Variants in TEX22 observed in about 807,000 individuals in gnomAD.
The protein encoded by TEX22 is testis-expressed protein 22.
TEX22 carries 16 observed loss-of-function variants against 11.3 expected under a neutral mutation model. That is an observed-to-expected ratio of 1.42 (90% CI 0.96 to 2.15). The LOEUF (loss-of-function observed/expected upper bound fraction) is 2.15. TEX22 is among the 30% of genes most tolerant of loss of function. TEX22 has a pLI of 0.00. For missense variants in TEX22, 220 were observed against 208.6 expected (o/e 1.05, Z -0.34); for synonymous variants, 97 against 92.3 (o/e 1.05, Z -0.29).
At position 105,412,191 on chromosome 14, in the gene TEX22, G is replaced by A. The variant is rs919834475; in HGVS notation, c.*358G>A. ...CTGGGAAGCCCCAGTGGCAGGCGCT[G>A]CCTGGAGACTCAGCTCCTTGGCTGG... On this transcript the variant is annotated 3_prime_UTR_variant, in exon 4 of 4. Transcript: ENST00000451127. This position sits in a 1 kb window ranked among gnomAD's most constrained non-coding sequence, Gnocchi z 5.8. The A allele has an allele frequency of 3.4e-4, 68 of 198,928 alleles. No individual in the cohort carries two copies. Among genetic ancestry groups the A allele is most frequent in the African/African-American group, 1.5e-3 (64 of 43,392 alleles). The allele number at this position is 198,928 out of a possible 1,614,324, so 12.3% of individuals were successfully genotyped here.
intron 2 of TEX22, among the ~76,000 whole-genome samples, chr14:105,405,195 C>A (rs587760683): frequency 2.0e-5 from 3 of 151,902 alleles, no homozygotes; most frequent in Non-Finnish European, 2.9e-5. Context: ...GAGGCTGAGG[C>A]AGGAGGATCA....
At chr14:105,405,647 C>G (rs978483121) in intron 2 of TEX22, among the ~76,000 whole-genome samples, 1 of 152,178 alleles carries the variant, frequency 6.6e-6, no homozygotes, top group Admixed American at 6.5e-5. Flanking sequence ...TGTGTGGACG[C>G]CTGTTGCGTG....
intron 2 of TEX22, among the ~76,000 whole-genome samples, chr14:105,405,979 C>T (rs988028635): frequency 6.6e-6 from 1 of 152,196 alleles, no homozygotes; most frequent in African/African-American, 2.4e-5. Context: ...GGAAACCAAC[C>T]TGTGCATAAA....
rs782523078 is a variant in TEX22, at chr14:105,402,017, C to G, written c.150+2527C>G. ...CCTGGCAAATGGGATGAAACCCCGT[C>G]TCTATTAAAAATACAAAAACTAGCT... On this transcript the variant is annotated intron_variant, in intron 2 of 3. Transcript: ENST00000451127. 9.2e-5 allele frequency among the ~76,000 whole-genome samples: 14 copies of G among 152,146 alleles called. 1 individual carries two copies. Among genetic ancestry groups the G allele is most frequent in the Admixed American group, 4.6e-4 (7 of 15,272 alleles).
At chr14:105,401,135 G>A (rs922362073) in intron 2 of TEX22, among the ~76,000 whole-genome samples, 7 of 152,206 alleles carry the variant, frequency 4.6e-5, no homozygotes, top group Non-Finnish European at 7.3e-5. Flanking sequence ...CGCCTGCCAG[G>A]AGAGCAGGCA....
chr14:105,402,274 A>G (rs1183243500), intron 2 of TEX22, among the ~76,000 whole-genome samples: 1 of 152,262 alleles, frequency 6.6e-6, no homozygotes, highest in African/African-American at 2.4e-5. Context: ...GATGACAATC[A>G]CTATTTGCAT....
At chr14:105,408,173 C>T (rs919114726) in intron 2 of TEX22, among the ~76,000 whole-genome samples, 5 of 152,100 alleles carry the variant, frequency 3.3e-5, no homozygotes, top group Non-Finnish European at 4.4e-5. Context: ...CCCTTGCAGA[C>T]GTCCCACCGC....
rs987632815 is a variant in TEX22 at position 105,412,563 on chromosome 14, C to G, written c.*730C>G. 1 of 152,328 alleles carries G rather than the reference C, an allele frequency of 6.6e-6. No individual in the cohort carries two copies. Among genetic ancestry groups the G allele is most frequent in the Admixed American group, 6.5e-5 (1 of 15,272 alleles). 9.4% of individuals were successfully genotyped at this position (152,328 alleles called of 1,614,324 possible). On this transcript the variant is annotated 3_prime_UTR_variant, in exon 4 of 4. Coordinates refer to ENST00000451127, the MANE Select transcript of TEX22 (RefSeq NM_001195082.2). This position sits in a 1 kb window ranked among gnomAD's most constrained non-coding sequence, Gnocchi z 5.8. ...GGTCCACTGGGTGACTGCCTCGTTT[C>G]CAGGCTGCAGGGCCCTCGGAAGGGT...
chr14:105,401,884 C>G (rs370213944), intron 2 of TEX22, among the ~76,000 whole-genome samples: 1 of 152,116 alleles, frequency 6.6e-6, no homozygotes, highest in Non-Finnish European at 1.5e-5. Flanking sequence ...TGCATGGTAC[C>G]ACTATGACGT....
chr14:105,411,486 T>G lies in TEX22; in HGVS notation c.269T>G (p.Leu90Arg), dbSNP rs2081690656. The G allele has an allele frequency of 1.6e-6, 2 of 1,236,812 alleles. No homozygotes were observed. Among genetic ancestry groups the G allele is most frequent in the Non-Finnish European group, 1.0e-6 (1 of 991,560 alleles). The allele number at this position is 1,236,812 out of a possible 1,614,324, so 76.6% of individuals were successfully genotyped here. Residue 90 changes from leucine (L) to arginine (R), a missense_variant, in exon 3 of 4, where the codon CTG becomes CGG. By Grantham distance (102) the Leu-to-Arg change is moderately radical. Transcript: ENST00000451127. Reference protein sequence around the residue: ...RERPGAAGTQLHCRDVVQMVA... With the variant: ...RERPGAAGTQRHCRDVVQMVA... Reference sequence around the variant, plus strand: ...AGGCCGGGCGCCGCCGGGACCCAGCTGCACTGCAGGGTGCGCGGGGGGCGG... The same window carrying G: ...AGGCCGGGCGCCGCCGGGACCCAGCGGCACTGCAGGGTGCGCGGGGGGCGG...
chr14:105,410,075 C>T (rs926929688), intron 2 of TEX22, among the ~76,000 whole-genome samples: 13 of 152,126 alleles, frequency 8.5e-5, no homozygotes, highest in Admixed American at 7.9e-4. Flanking sequence ...AGCCTCCTTA[C>T]CTTTTTTGTT....
rs1278355219 is a variant in TEX22, at chr14:105,399,159, G to A, written c.-39-143G>A. 5.0e-6 allele frequency: 3 copies of A among 597,544 alleles called. No homozygotes were observed. In the Admixed American group the frequency reaches 8.9e-5, roughly 18 times the overall value. 37.0% of individuals were successfully genotyped at this position (597,544 alleles called of 1,614,324 possible). On this transcript the variant is annotated intron_variant, in intron 1 of 3. Coordinates refer to ENST00000451127, the MANE Select transcript of TEX22 (RefSeq NM_001195082.2). Reference sequence around the variant, plus strand: ...TGGGGGATCCACTCCACCCAGAGGGGTCAGTGATGCCTGACCTTTGGCTGG... The same window carrying A: ...TGGGGGATCCACTCCACCCAGAGGGATCAGTGATGCCTGACCTTTGGCTGG...
In TEX22 at chr14:105,413,160, C is replaced by G. The variant is rs1316446872; in HGVS notation, c.*1327C>G. On this transcript the variant is annotated 3_prime_UTR_variant, in exon 4 of 4. Transcript: ENST00000451127. The surrounding 1 kb of genome is among the most constrained non-coding windows in gnomAD (Gnocchi z 4.2). ...GGATCCTCTGCATTTCTCAGGAGCC[C>G]TAGGGTAGGTGGATGGAGGGCAGAT... The G allele has an allele frequency of 6.6e-6, 1 of 152,274 alleles. No individual in the cohort carries two copies. The highest frequency in any genetic ancestry group is 2.4e-5 in the African/African-American group (1 of 41,414). The allele number at this position is 152,274 out of a possible 1,614,324, so 9.4% of individuals were successfully genotyped here. A position where few individuals can be genotyped will look rare whatever the true frequency, so the allele number is the denominator to read the frequency against.
In TEX22 at chr14:105,412,919, C is replaced by T. The variant is rs760803328; in HGVS notation, c.*1086C>T. The T allele has an allele frequency of 2.0e-3, 302 of 153,066 alleles. 1 individual carries two copies. The highest frequency in any genetic ancestry group is 3.4e-3 in the Non-Finnish European group (233 of 68,674). The allele number at this position is 153,066 out of a possible 1,614,324, so 9.5% of individuals were successfully genotyped here. On this transcript the variant is annotated 3_prime_UTR_variant, in exon 4 of 4. Coordinates refer to ENST00000451127, the MANE Select transcript of TEX22 (RefSeq NM_001195082.2). The surrounding 1 kb of genome is among the most constrained non-coding windows in gnomAD (Gnocchi z 5.8). Reference sequence around the variant, plus strand: ...CCACCTGGCCTGTAACCCTCCCCTTCCCGCTGCTGAGAAGCCACCTGACTG... The same window carrying T: ...CCACCTGGCCTGTAACCCTCCCCTTTCCGCTGCTGAGAAGCCACCTGACTG...
chr14:105,401,342 T>C (rs1199801427), intron 2 of TEX22, among the ~76,000 whole-genome samples: 1 of 152,234 alleles, frequency 6.6e-6, no homozygotes, highest in Non-Finnish European at 1.5e-5. Flanking sequence ...TCAATAGATG[T>C]TGAAAAGTAA....
rs1378457718 is a variant in TEX22 at position 105,411,516 on chromosome 14, T to G, written c.279+20T>G. The G allele has an allele frequency of 7.5e-6, 8 of 1,068,352 alleles. No homozygotes were observed. The highest frequency in any genetic ancestry group is 8.0e-6 in the Non-Finnish European group (7 of 869,626). 66.2% of individuals were successfully genotyped at this position (1,068,352 alleles called of 1,614,324 possible). A position where few individuals can be genotyped will look rare whatever the true frequency, so the allele number is the denominator to read the frequency against. On this transcript the variant is annotated intron_variant, in intron 3 of 3. Transcript: ENST00000451127. ...TGCAGGGTGCGCGGGGGGCGGGTCC[T>G]CCCCGCCCCGTCCCCGCCCCGCCCC... is the stretch of plus-strand genomic sequence containing the variant.
At position 105,410,146 on chromosome 14, in the gene TEX22, C is replaced by T. The variant is rs187405981; in HGVS notation, c.151-1222C>T. Among the ~76,000 whole-genome samples the T allele has an allele frequency of 2.6e-3, 391 of 151,040 alleles. 1 individual carries two copies. Among genetic ancestry groups the T allele is most frequent in the African/African-American group, 8.4e-3 (346 of 41,068 alleles). On this transcript the variant is annotated intron_variant, in intron 2 of 3. Transcript: ENST00000451127. Reference sequence around the variant, plus strand: ...AGGCTGAAGTACAATGGTGTGATCTCGGCTCAGTGCAACCTCCACCTCCCG... The same window carrying T: ...AGGCTGAAGTACAATGGTGTGATCTTGGCTCAGTGCAACCTCCACCTCCCG...
chr14:105,402,515 G>A (rs1322243625), intron 2 of TEX22, among the ~76,000 whole-genome samples: 1 of 152,068 alleles, frequency 6.6e-6, no homozygotes. Flanking sequence ...AGCACTTTGG[G>A]AGGCTGGGGC....
At chr14:105,400,772 G>A (rs587690633) in intron 2 of TEX22, among the ~76,000 whole-genome samples, 12 of 152,280 alleles carry the variant, frequency 7.9e-5, no homozygotes, top group African/African-American at 2.9e-4. Flanking sequence ...GGCCAAGGGT[G>A]GAAAGAGGTA....
Sources: gnomAD v4.1 joint callset for allele counts (sites outside exome capture counted in the v4.1 genomes callset) on GRCh38, gnomAD v4.1.1 for gene constraint, Gnocchi (gnomAD v3.1) non-coding constraint, MANE v1.5 for transcripts, NCBI Gene and HGNC (gene_info 2026-07-23, HGNC 2026-07-21) for gene names.